MECOM: variants seen among roughly 807,000 people sequenced by gnomAD.
MECOM encodes the protein histone-lysine N-methyltransferase MECOM.
A neutral mutation model predicts 116.3 loss-of-function variants in MECOM; 13 were observed. The ratio of observed to expected loss-of-function variants is 0.11; its 90% confidence interval spans 0.07 to 0.18. MECOM has a LOEUF of 0.18. MECOM is among the 10% of genes least tolerant of loss of function. The pLI, the probability that MECOM is intolerant of heterozygous loss-of-function variation, is 1.00. For synonymous variants in MECOM, 528 were observed against 535.2 expected (o/e 0.99, Z 0.19); for missense variants, 1,299 against 1,509.0 (o/e 0.86, Z 2.31).
intron 2 of MECOM, among the ~76,000 whole-genome samples, chr3:169,254,307 G>T (rs1454919293): frequency 6.6e-6 from 1 of 152,066 alleles, no homozygotes; most frequent in East Asian, 1.9e-4. Context: ...AACAGAGTTG[G>T]TCCCTAAACC....
intron 2 of MECOM, among the ~76,000 whole-genome samples, chr3:169,163,062 C>A (rs1743077657): frequency 6.6e-6 from 1 of 152,062 alleles, no homozygotes; most frequent in Non-Finnish European, 1.5e-5. Flanking sequence ...GCACAAAACA[C>A]TTTTAAATCA....
intron 2 of MECOM, among the ~76,000 whole-genome samples, chr3:169,335,022 G>T (rs1723365551): frequency 6.6e-6 from 1 of 152,126 alleles, no homozygotes; most frequent in Non-Finnish European, 1.5e-5. Flanking sequence ...CTGGCCTGTG[G>T]CAAATAAGAA....
intron 2 of MECOM, among the ~76,000 whole-genome samples, chr3:169,190,697 AATT>A (rs1240961667): frequency 1.3e-5 from 2 of 152,134 alleles, no homozygotes; most frequent in African/African-American, 4.8e-5. Context: ...AACAGGTGCT[AATT>A]ATTAATATCT....
At chr3:169,622,943 G>C (rs1770931424) in intron 1 of MECOM, among the ~76,000 whole-genome samples, 1 of 152,186 alleles carries the variant, frequency 6.6e-6, no homozygotes, top group Non-Finnish European at 1.5e-5. Flanking sequence ...TTCAGGTTGA[G>C]ATTTACTGAA....
chr3:169,659,440 ATTTTTTTTTTTTT>A (rs56270349), intron 1 of MECOM, among the ~76,000 whole-genome samples: 9,265 of 62,608 alleles, frequency 0.15, 368 homozygotes, highest in Middle Eastern at 0.29. Context: ...CTAAACACAG[ATTTTTTTTTTTTT>A]TTTTTTTTTT....
intron 4 of MECOM, among the ~76,000 whole-genome samples, chr3:169,131,036 A>G (rs367905797): frequency 5.9e-5 from 9 of 152,140 alleles, no homozygotes; most frequent in African/African-American, 2.2e-4. Context: ...CAGTAGAAAC[A>G]CTTTTCCCAG....
intron 16 of MECOM, among the ~76,000 whole-genome samples, chr3:169,086,210 T>C (rs1425203290): frequency 6.6e-6 from 1 of 152,196 alleles, no homozygotes; most frequent in Non-Finnish European, 1.5e-5. Context: ...TTCTACAATA[T>C]CTCATGATCC....
chr3:169,451,695 T>C (rs928093926), intron 1 of MECOM, among the ~76,000 whole-genome samples: 12 of 152,192 alleles, frequency 7.9e-5, no homozygotes, highest in African/African-American at 2.9e-4. Flanking sequence ...CTTTAGTGTA[T>C]TATACCATTG....
intron 1 of MECOM, among the ~76,000 whole-genome samples, chr3:169,469,210 C>T (rs191185642): frequency 7.2e-5 from 11 of 152,146 alleles, no homozygotes; most frequent in African/African-American, 2.6e-4. Context: ...AAAGAATGAA[C>T]AAGGTTTCCC....
At chr3:169,374,556 G>A (rs1474309689) in intron 2 of MECOM, among the ~76,000 whole-genome samples, 1 of 151,948 alleles carries the variant, frequency 6.6e-6, no homozygotes, top group Non-Finnish European at 1.5e-5. Context: ...ACTACACAAT[G>A]TTTTAGTGTT....
At chr3:169,429,932 A>G (rs1004043627) in intron 1 of MECOM, among the ~76,000 whole-genome samples, 9 of 152,208 alleles carry the variant, frequency 5.9e-5, no homozygotes, top group African/African-American at 1.9e-4. Flanking sequence ...TGTCTCTCCT[A>G]CAGCTGAAAG....
intron 2 of MECOM, among the ~76,000 whole-genome samples, chr3:169,149,923 CTT>C (rs773769782): frequency 0.027 from 3,803 of 140,712 alleles, 67 homozygotes; most frequent in Middle Eastern, 0.036. Flanking sequence ...CTTAATCTCT[CTT>C]TCTCTCTCTC....
At chr3:169,367,395 T>C (rs924826479) in intron 2 of MECOM, among the ~76,000 whole-genome samples, 1 of 151,428 alleles carries the variant, frequency 6.6e-6, no homozygotes, top group African/African-American at 2.4e-5. Flanking sequence ...CCTTAAACAA[T>C]TTTTTTTGTA....
chr3:169,378,524 AAG>A lies in MECOM; in HGVS notation c.375+2661_375+2662del, dbSNP rs760592037. Reference sequence around the variant, plus strand: ...AAGAAAGAAAGAAAGAAAAGAAAGAAAGAAAGAAAGAAAGAAAGAAAGAAAGA... The same window carrying A: ...AAGAAAGAAAGAAAGAAAAGAAAGAAAAAGAAAGAAAGAAAGAAAGAAAGA... On this transcript the variant is annotated intron_variant, in intron 2 of 16. Transcript: ENST00000651503. 6.9e-5 allele frequency among the ~76,000 whole-genome samples: 3 copies of A among 43,654 alleles called. 1 individual carries two copies. Among genetic ancestry groups the A allele is most frequent in the East Asian group, 1.1e-3 (2 of 1,802 alleles). The allele number at this position is 43,654 out of a possible 152,430, so 28.6% of individuals were successfully genotyped here.
chr3:169,220,797 C>T (rs1033835203), intron 2 of MECOM, among the ~76,000 whole-genome samples: 1 of 152,108 alleles, frequency 6.6e-6, no homozygotes, highest in African/African-American at 2.4e-5. Context: ...TTTTTCTTAA[C>T]TTTTTTATTG....
intron 2 of MECOM, among the ~76,000 whole-genome samples, chr3:169,366,407 A>C (rs571758094): frequency 6.6e-6 from 1 of 151,970 alleles, no homozygotes; most frequent in African/African-American, 2.4e-5. Flanking sequence ...GAAAAAAAAA[A>C]CTTGAGTTCA....
chr3:169,303,384 T>C (rs938895365), intron 2 of MECOM, among the ~76,000 whole-genome samples: 14 of 152,188 alleles, frequency 9.2e-5, no homozygotes, highest in African/African-American at 3.1e-4. Context: ...ATTTATTCAA[T>C]ATATGTTTAC....
intron 1 of MECOM, among the ~76,000 whole-genome samples, chr3:169,619,038 C>G (rs1770368141): frequency 6.6e-6 from 1 of 151,872 alleles, no homozygotes; most frequent in Non-Finnish European, 1.5e-5. Flanking sequence ...AAAGTCCACT[C>G]TTTTCTACTA....
At chr3:169,652,909 T>G (rs1263725749) in intron 1 of MECOM, among the ~76,000 whole-genome samples, 2 of 152,174 alleles carry the variant, frequency 1.3e-5, no homozygotes, top group Non-Finnish European at 2.9e-5. Flanking sequence ...CCCAAATCCC[T>G]AGGAATTACA....
Sources: gnomAD v4.1 joint callset for allele counts (sites outside exome capture counted in the v4.1 genomes callset) on GRCh38, gnomAD v4.1.1 for gene constraint, MANE v1.5 for transcripts, NCBI Gene and HGNC (gene_info 2026-07-23, HGNC 2026-07-21) for gene names.